The following NDST1 variants were observed in gnomAD, a reference collection of about 807,000 sequenced individuals.
The protein encoded by NDST1 is bifunctional heparan sulfate N-deacetylase/N-sulfotransferase 1.
In NDST1, 35 loss-of-function variants were observed where a neutral mutation model predicts 92.8. The ratio of observed to expected loss-of-function variants is 0.38; its 90% CI spans 0.29 to 0.50. The LOEUF is 0.50. NDST1 is among the 20% of genes least tolerant of loss of function. The pLI is 0.94. For missense variants in NDST1, 822 were observed against 1,182.7 expected (o/e 0.69, Z 4.47); for synonymous variants, 493 against 500.3 (o/e 0.99, Z 0.19).
intron 1 of NDST1, among the ~76,000 whole-genome samples, chr5:150,514,178 G>T (rs72805966): frequency 6.6e-6 from 1 of 152,338 alleles, no homozygotes; most frequent in Non-Finnish European, 1.5e-5. Context: ...CTGAACAGTT[G>T]TGTGATGTTG....
rs891452057 is a variant in NDST1, at chr5:150,556,367, A to T, written c.*3035A>T. 1.3e-5 allele frequency: 2 copies of T among 152,156 alleles called. No individual in the cohort carries two copies. Among genetic ancestry groups the T allele is most frequent in the African/African-American group, 4.8e-5 (2 of 41,422 alleles). 9.4% of individuals were successfully genotyped at this position (152,156 alleles called of 1,614,324 possible). A position where few individuals can be genotyped will look rare whatever the true frequency, so the allele number is the denominator to read the frequency against. Reference sequence around the variant, plus strand: ...AATGGGCCTTTTCTGAGCCCCCCTGATGAGCAGTCAGTGCTTCTGGGCCCA... The same window carrying T: ...AATGGGCCTTTTCTGAGCCCCCCTGTTGAGCAGTCAGTGCTTCTGGGCCCA... On this transcript the variant is annotated 3_prime_UTR_variant, in exon 15 of 15. Transcript: ENST00000261797.
chr5:150,517,304 A>ATTTT (rs34230800), intron 1 of NDST1, among the ~76,000 whole-genome samples: 1 of 139,760 alleles, frequency 7.2e-6, no homozygotes, highest in Non-Finnish European at 1.5e-5. Flanking sequence ...CACCTGGCTC[A>ATTTT]TTTTTTTTTT....
At position 150,540,139 on chromosome 5, in the gene NDST1, A is replaced by G. The variant is rs903490051; in HGVS notation, c.1624A>G (p.Thr542Ala). ...TGGGAATGACCGCCTGGGCCTGTAC[A>G]CCTTCAAGCACCTGGTGCGCTTCCT... The part of the protein sequence containing the change: ...NYGNDRLGLY[T>A]FKHLVRFLHS... Residue 542 changes from threonine (T) to alanine (A), a missense_variant, in exon 8 of 15, where the codon ACC (threonine) becomes GCC (alanine). By Grantham distance (58) the Thr-to-Ala change is moderately conservative (BLOSUM62 0). Coordinates refer to ENST00000261797, the MANE Select transcript of NDST1 (RefSeq NM_001543.5). The G allele has an allele frequency of 1.9e-6, 3 of 1,614,050 alleles. No individual in the cohort carries two copies. Among genetic ancestry groups the G allele is most frequent in the Non-Finnish European group, 2.5e-6 (3 of 1,180,048 alleles).
intron 2 of NDST1, among the ~76,000 whole-genome samples, chr5:150,525,108 A>G (rs1355041855): frequency 6.6e-6 from 1 of 152,080 alleles, no homozygotes; most frequent in East Asian, 1.9e-4. Context: ...GGGGGACCCC[A>G]TTGGAAGACT....
At chr5:150,523,306 C>T (rs1298357463) in intron 2 of NDST1, among the ~76,000 whole-genome samples, 2 of 152,236 alleles carry the variant, frequency 1.3e-5, no homozygotes, top group Non-Finnish European at 2.9e-5. Context: ...TTCTCTTGGA[C>T]TCTGTACCCT....
intron 1 of NDST1, among the ~76,000 whole-genome samples, chr5:150,517,122 T>C (rs1266349633): frequency 6.6e-6 from 1 of 151,954 alleles, no homozygotes; most frequent in African/African-American, 2.4e-5. Flanking sequence ...ACACACAGCT[T>C]CCCCCATTAT....
chr5:150,500,358 C>G (rs1011296924), intron 1 of NDST1, among the ~76,000 whole-genome samples: 4 of 152,200 alleles, frequency 2.6e-5, no homozygotes, highest in African/African-American at 9.7e-5. Context: ...TAGGGAGGAG[C>G]CTTGGGTGGC....
chr5:150,540,339 T>C (rs977323261), intron 8 of NDST1, 75 bp downstream of exon 8: 14 of 1,459,562 alleles, frequency 9.6e-6, no homozygotes, highest in African/African-American at 1.4e-5. Context: ...ACTCCAGATA[T>C]GGACTCAAGG....
intron 8 of NDST1, 151 bp downstream of exon 8, chr5:150,540,415 T>C: frequency 1.2e-6 from 1 of 825,002 alleles, no homozygotes; most frequent in Middle Eastern, 3.7e-4. Context: ...CTTACCAGCA[T>C]GGGTGCGTTC....
chr5:150,532,967 A>C lies in NDST1; in HGVS notation c.1031A>C (p.Glu344Ala). ...DVKALFDTQN[E>A]LRAHIPNFTF... ...TAGGCCCTGTTTGACACACAGAACG[A>C]ACTACGCGCACACATCCCAAACTTC... The change falls in exon 4 of 15, where the codon GAA (glutamate) becomes GCA (alanine). Residue 344 changes from glutamate to alanine, a missense_variant. Glu to Ala is a moderately radical substitution (Grantham distance 107). Coordinates refer to ENST00000261797, the MANE Select transcript of NDST1 (RefSeq NM_001543.5). 6.2e-7 allele frequency: 1 copy of C among 1,614,198 alleles called. No homozygotes were observed. Among genetic ancestry groups the C allele is most frequent in the Non-Finnish European group, 8.5e-7 (1 of 1,180,036 alleles).
At chr5:150,514,542 C>G (rs543123879) in intron 1 of NDST1, among the ~76,000 whole-genome samples, 14 of 123,844 alleles carry the variant, frequency 1.1e-4, no homozygotes, top group Non-Finnish European at 2.2e-4. Flanking sequence ...GCCTGGGTGA[C>G]AGAGTGAGAC....
chr5:150,554,212 G>A lies in NDST1; in HGVS notation c.*880G>A. On this transcript the variant is annotated 3_prime_UTR_variant, in exon 15 of 15. Transcript: ENST00000261797. ...GCCACGGCTTTGCTTAGCCACCTGT[G>A]GCCGAGGGCTCTCAGAGACCCCCTT... 1 of 398,432 alleles carries A rather than the reference G, an allele frequency of 2.5e-6. No individual in the cohort carries two copies. The highest frequency in any genetic ancestry group is 4.4e-5 in the Admixed American group (1 of 22,694). The allele number at this position is 398,432 out of a possible 1,614,324, so 24.7% of individuals were successfully genotyped here.
chr5:150,521,575 C>G lies in NDST1; in HGVS notation c.321C>G (p.Ser107Arg). The change falls in exon 2 of 15, where the codon AGC (serine) becomes AGG (arginine). Residue 107 changes from serine (S) to arginine (R), a missense_variant. By Grantham distance (110) the Ser-to-Arg change is moderately radical. Transcript: ENST00000261797. This position sits in a 1 kb window ranked among gnomAD's most constrained non-coding sequence, Gnocchi z 5.9. ...AGGTGGTGGCCATCCTGGAGTCCAG[C>G]CGCTTCAAATACCGCACAGAGATTG... ...GQEVVAILES[S>R]RFKYRTEIAP... 6.2e-7 allele frequency: 1 copy of G among 1,614,044 alleles called. No individual in the cohort carries two copies. The highest frequency in any genetic ancestry group is 1.1e-5 in the South Asian group (1 of 91,088).
At chr5:150,536,009 C>T in intron 6 of NDST1, 124 bp downstream of exon 6, 1 of 1,161,456 alleles carries the variant, frequency 8.6e-7, no homozygotes, top group Non-Finnish European at 1.2e-6. Flanking sequence ...AGATCAGCTT[C>T]TGCTGCCTCC....
intron 10 of NDST1, among the ~76,000 whole-genome samples, chr5:150,543,494 G>A (rs1440076579): frequency 6.6e-6 from 1 of 152,234 alleles, no homozygotes; most frequent in Non-Finnish European, 1.5e-5. Flanking sequence ...TCCCTTAAGG[G>A]TGTGGGGGCC....
intron 1 of NDST1, among the ~76,000 whole-genome samples, chr5:150,502,885 C>T (rs1288876456): frequency 6.6e-6 from 1 of 152,024 alleles, no homozygotes. Context: ...CCTTGGTTTC[C>T]CCTCCTGTAT....
At chr5:150,543,071 C>T in intron 10 of NDST1, 100 bp downstream of exon 10, 1 of 1,473,886 alleles carries the variant, frequency 6.8e-7, no homozygotes, top group South Asian at 1.1e-5. Flanking sequence ...AGCTTGCTCA[C>T]ACACAGCTGT....
At position 150,543,782 on chromosome 5, in the gene NDST1, TC is replaced by T. The variant is rs1755351431; in HGVS notation, c.1970+812del. Among the ~76,000 whole-genome samples, 3 of 151,798 alleles carry T rather than the reference TC, an allele frequency of 2.0e-5. No individual in the cohort carries two copies. The South Asian group carries it at 6.2e-4, about 32-fold the overall frequency. ...GGAGAGGTTATGGGCCTTCTGTCTTTCTTTTTTTTTTTTTTGAGATGGAATC... is the reference window on the plus strand; with the variant it reads ...GGAGAGGTTATGGGCCTTCTGTCTTTTTTTTTTTTTTTTTGAGATGGAATC... On this transcript the variant is annotated intron_variant, in intron 10 of 14. Transcript: ENST00000261797.
At chr5:150,539,933 G>A (rs182640306) in intron 7 of NDST1, 149 bp from the exon 8 acceptor site, 27 of 1,215,766 alleles carry the variant, frequency 2.2e-5, no homozygotes, top group African/African-American at 3.0e-5. Context: ...CCAAGTACTC[G>A]CAGCGAGTTT....
Sources: gnomAD v4.1 joint callset for allele counts (sites outside exome capture counted in the v4.1 genomes callset) on GRCh38, gnomAD v4.1.1 for gene constraint, Gnocchi (gnomAD v3.1) non-coding constraint, MANE v1.5 for transcripts, NCBI Gene and HGNC (gene_info 2026-07-23, HGNC 2026-07-21) for gene names.